SHISA9: variants seen among roughly 807,000 people sequenced by gnomAD.
The protein encoded by SHISA9 is shisa family member 9, also known as protein shisa-9.
SHISA9 carries 13 observed loss-of-function variants against 38.0 expected under a neutral mutation model. That is an observed-to-expected ratio of 0.34 (90% CI 0.22 to 0.54). SHISA9 has a LOEUF of 0.54. Among genes scored for constraint, SHISA9 ranks in the 20% least tolerant of loss-of-function variants. SHISA9 has a pLI of 0.91. For synonymous variants in SHISA9, 275 were observed against 242.0 expected (o/e 1.14, Z -1.27); for missense variants, 538 against 575.8 (o/e 0.93, Z 0.67).
At chr16:13,169,320 G>C (rs968037431) in intron 2 of SHISA9, among the ~76,000 whole-genome samples, 46 of 152,324 alleles carry the variant, frequency 3.0e-4, no homozygotes, top group Admixed American at 2.4e-3. Flanking sequence ...GGTGGCAGAA[G>C]CTTCAGGAAG....
Position 13,201,169 on chromosome 16 carries a change from A to G in SHISA9, c.692-2225A>G, listed in dbSNP as rs938593330. ...TGGTACCACCTGTTTTTGTAAATAA[A>G]GTTTTATTGGAACACAGCCACACCC... On this transcript the variant is annotated intron_variant, in intron 2 of 4. Transcript: ENST00000558583. Among the ~76,000 whole-genome samples, 19 of 135,106 alleles carry G rather than the reference A, an allele frequency of 1.4e-4. 4 individuals carry two copies. The highest frequency in any genetic ancestry group is 1.6e-4 in the Non-Finnish European group (10 of 61,988). 88.6% of individuals were successfully genotyped at this position (135,106 alleles called of 152,430 possible).
chr16:13,163,834 T>A (rs531337063), intron 2 of SHISA9, among the ~76,000 whole-genome samples: 22 of 152,230 alleles, frequency 1.4e-4, no homozygotes, highest in African/African-American at 5.3e-4. Context: ...TAACCTTGTG[T>A]CTTGCAACCT....
At chr16:12,909,193 A>G in intron 1 of SHISA9, 1 of 985,782 alleles carries the variant, frequency 1.0e-6, no homozygotes. Flanking sequence ...TTGGGCACTG[A>G]GTCCTTGCAT....
At chr16:13,279,422 T>C in the SHISA9 span, among the ~76,000 whole-genome samples, 1 of 151,982 alleles carries the variant, frequency 6.6e-6, no homozygotes, top group Non-Finnish European at 1.5e-5. Flanking sequence ...TTCCAAGGTA[T>C]AGTTTAAATC....
intron 2 of SHISA9, among the ~76,000 whole-genome samples, chr16:13,196,002 C>A (rs537347270): frequency 7.6e-6 from 1 of 132,162 alleles, no homozygotes; most frequent in African/African-American, 2.9e-5. Flanking sequence ...GCAGGAGAAT[C>A]GCTTGAACCC....
At chr16:13,029,680 G>A (rs2072967778) in intron 2 of SHISA9, among the ~76,000 whole-genome samples, 1 of 152,222 alleles carries the variant, frequency 6.6e-6, no homozygotes, top group South Asian at 2.1e-4. Flanking sequence ...ATTACATTAA[G>A]TGAAATAAAC....
At chr16:13,550,081 T>A in the SHISA9 span, among the ~76,000 whole-genome samples, 3 of 147,964 alleles carry the variant, frequency 2.0e-5, no homozygotes, top group Non-Finnish European at 4.5e-5. Flanking sequence ...TGAGAAGGAG[T>A]GACCCCGGGA....
chr16:13,466,350 G>A, the SHISA9 span, among the ~76,000 whole-genome samples: 1 of 152,210 alleles, frequency 6.6e-6, no homozygotes, highest in Non-Finnish European at 1.5e-5. Flanking sequence ...AAGGAAGAGT[G>A]TGTCTGGAAT....
intron 2 of SHISA9, among the ~76,000 whole-genome samples, chr16:13,074,081 T>A (rs2073552285): frequency 6.6e-6 from 1 of 150,512 alleles, no homozygotes; most frequent in Admixed American, 6.6e-5. Flanking sequence ...GTGATTCTCC[T>A]GCCTCAGCCT....
At chr16:13,183,169 A>G (rs1415829780) in intron 2 of SHISA9, among the ~76,000 whole-genome samples, 1 of 152,152 alleles carries the variant, frequency 6.6e-6, no homozygotes, top group Non-Finnish European at 1.5e-5. Flanking sequence ...AGCAGTCACA[A>G]AGTTCTGCCT....
At chr16:13,514,077 C>T in the SHISA9 span, among the ~76,000 whole-genome samples, 113 of 152,222 alleles carry the variant, frequency 7.4e-4, no homozygotes, top group Non-Finnish European at 9.3e-4. Context: ...TCACTGCAAC[C>T]TCTGTCTCCT....
chr16:13,034,544 T>G (rs1248061659), intron 2 of SHISA9, among the ~76,000 whole-genome samples: 1 of 152,220 alleles, frequency 6.6e-6, no homozygotes, highest in Non-Finnish European at 1.5e-5. Flanking sequence ...ACTTGGAGAT[T>G]GCTTTGTATA....
At chr16:13,426,672 G>C in the SHISA9 span, among the ~76,000 whole-genome samples, 127 of 152,284 alleles carry the variant, frequency 8.3e-4, no homozygotes, top group African/African-American at 3.0e-3. Flanking sequence ...AGGAAGCAAA[G>C]GCCACATGGC....
Position 13,235,555 on chromosome 16 carries a change from A to G in SHISA9, c.*146A>G. On this transcript the variant is annotated 3_prime_UTR_variant, in exon 5 of 5. Coordinates refer to ENST00000558583, the MANE Select transcript of SHISA9 (RefSeq NM_001145204.3). ...AACCAACTCTAAACCTACTGGGGAC[A>G]CAGAGTCGCGCTTTTCCTAGGTCAT... The G allele has an allele frequency of 6.6e-6, 7 of 1,062,118 alleles. No homozygotes were observed. The highest frequency in any genetic ancestry group is 1.3e-6 in the Non-Finnish European group (1 of 760,604). 65.8% of individuals were successfully genotyped at this position (1,062,118 alleles called of 1,614,324 possible).
At chr16:12,942,465 T>C (rs2071624146) in intron 2 of SHISA9, among the ~76,000 whole-genome samples, 1 of 152,202 alleles carries the variant, frequency 6.6e-6, no homozygotes. Context: ...CATGAGTCCC[T>C]CAGTGTTCAT....
the SHISA9 span, among the ~76,000 whole-genome samples, chr16:13,417,067 CA>C: frequency 6.6e-6 from 1 of 152,200 alleles, no homozygotes; most frequent in Admixed American, 6.5e-5. Context: ...CAGAAAATCA[CA>C]AGGGCTATAA....
chr16:13,041,405 T>A (rs2073130359), intron 2 of SHISA9, among the ~76,000 whole-genome samples: 2 of 152,240 alleles, frequency 1.3e-5, no homozygotes. Flanking sequence ...TCATCAGGGC[T>A]TTGTAACAGC....
intron 1 of SHISA9, among the ~76,000 whole-genome samples, chr16:12,906,533 G>A (rs2141706539): frequency 6.6e-6 from 1 of 152,262 alleles, no homozygotes; most frequent in South Asian, 2.1e-4. Context: ...AGCAGCCACA[G>A]TCAGTCACTA....
chr16:13,402,093 A>G, the SHISA9 span, among the ~76,000 whole-genome samples: 1 of 152,230 alleles, frequency 6.6e-6, no homozygotes, highest in Non-Finnish European at 1.5e-5. Flanking sequence ...GCCAAACCAT[A>G]TAATCAGTGT....
Sources: gnomAD v4.1 joint callset for allele counts (sites outside exome capture counted in the v4.1 genomes callset) on GRCh38, gnomAD v4.1.1 for gene constraint, MANE v1.5 for transcripts, NCBI Gene and HGNC (gene_info 2026-07-23, HGNC 2026-07-21) for gene names.